The following SERPINB7 variants were observed in gnomAD, a reference collection of about 807,000 sequenced individuals.
The protein encoded by SERPINB7 is serpin family B member 7, also known as serpin B7.
SERPINB7 carries 31 observed loss-of-function variants against 37.4 expected under a neutral mutation model. The ratio of observed to expected loss-of-function variants is 0.83; its 90% CI spans 0.62 to 1.12. SERPINB7 has a LOEUF of 1.12. Among genes scored for constraint, SERPINB7 ranks in the 50% most tolerant of loss-of-function variants. SERPINB7 has a pLI of 0.00. For missense variants in SERPINB7, 521 were observed against 455.3 expected (o/e 1.14, Z -1.31); for synonymous variants, 163 against 166.1 (o/e 0.98, Z 0.14).
chr18:63,780,431 TA>T (rs1468459772), intron 1 of SERPINB7, among the ~76,000 whole-genome samples: 1 of 152,200 alleles, frequency 6.6e-6, no homozygotes, highest in Non-Finnish European at 1.5e-5. Context: ...TTGAATCCCT[TA>T]AACATTTGAG....
At chr18:63,767,617 T>G (rs2144591454) in intron 1 of SERPINB7, among the ~76,000 whole-genome samples, 1 of 152,242 alleles carries the variant, frequency 6.6e-6, no homozygotes, top group African/African-American at 2.4e-5. Flanking sequence ...CCTTCTTGGT[T>G]GTGATGTATT....
intron 1 of SERPINB7, among the ~76,000 whole-genome samples, chr18:63,758,298 A>G (rs764133317): frequency 1.3e-5 from 2 of 152,174 alleles, no homozygotes; most frequent in African/African-American, 4.8e-5. Context: ...AGCAGACATC[A>G]ACAACAGCAA....
chr18:63,791,423 G>A (rs1003628320), intron 2 of SERPINB7, among the ~76,000 whole-genome samples: 2 of 152,136 alleles, frequency 1.3e-5, no homozygotes, highest in Non-Finnish European at 2.9e-5. Context: ...AATGTTGATA[G>A]GTTCCATGAT....
chr18:63,783,215 AG>A lies in SERPINB7; in HGVS notation c.168+676del, dbSNP rs1568207685. On this transcript the variant is annotated intron_variant, in intron 2 of 7. Transcript: ENST00000398019. ...GAGAGAGAGAGAGAGAGAGAGAGAG[AG>A]AGAGAGAGAGAGAGAGAGAAAGAAA... Among the ~76,000 whole-genome samples the A allele has an allele frequency of 6.2e-3, 462 of 74,712 alleles. 3 individuals carry two copies. The highest frequency in any genetic ancestry group is 0.013 in the East Asian group (28 of 2,178). 49.0% of individuals were successfully genotyped at this position (74,712 alleles called of 152,430 possible). A position where few individuals can be genotyped will look rare whatever the true frequency, so the allele number is the denominator to read the frequency against.
In SERPINB7 at chr18:63,786,201, C is replaced by G. The variant is rs557065671; in HGVS notation, c.168+3661C>G. ...ACATGGCACACACACACCAGCATGGCACATACGTGTATATATATATATATA... is the reference window on the plus strand; with the variant it reads ...ACATGGCACACACACACCAGCATGGGACATACGTGTATATATATATATATA... On this transcript the variant is annotated intron_variant, in intron 2 of 7. Coordinates refer to ENST00000398019, the MANE Select transcript of SERPINB7 (RefSeq NM_003784.4). Among the ~76,000 whole-genome samples the G allele has an allele frequency of 7.2e-5, 8 of 110,838 alleles. No homozygotes were observed. In the South Asian group the frequency reaches 2.2e-3, roughly 30 times the overall value. The allele number at this position is 110,838 out of a possible 152,430, so 72.7% of individuals were successfully genotyped here.
At chr18:63,793,838 T>C (rs199605659) in intron 4 of SERPINB7, among the ~76,000 whole-genome samples, 1 of 152,160 alleles carries the variant, frequency 6.6e-6, no homozygotes, top group East Asian at 1.9e-4. Context: ...TTTATGTATT[T>C]TTTTTAAGGA....
chr18:63,792,358 T>C, intron 2 of SERPINB7, 35 bp from the exon 3 acceptor site: 1 of 1,503,536 alleles, frequency 6.7e-7, no homozygotes, highest in Non-Finnish European at 9.2e-7. Context: ...TAACCTCTGA[T>C]TCTAATGATT....
intron 1 of SERPINB7, among the ~76,000 whole-genome samples, chr18:63,768,962 A>G (rs1334566918): frequency 1.3e-5 from 2 of 152,192 alleles, no homozygotes; most frequent in East Asian, 3.9e-4. Context: ...TTGTTTGGCT[A>G]TACCACAATT....
At chr18:63,795,118 C>T (rs912915913) in intron 4 of SERPINB7, among the ~76,000 whole-genome samples, 2 of 152,110 alleles carry the variant, frequency 1.3e-5, no homozygotes, top group African/African-American at 4.8e-5. Context: ...GTGTTAGGTA[C>T]TGGGAATAAA....
At chr18:63,762,108 G>A (rs2049157522) in intron 1 of SERPINB7, among the ~76,000 whole-genome samples, 1 of 152,160 alleles carries the variant, frequency 6.6e-6, no homozygotes, top group Admixed American at 6.5e-5. Context: ...TTAGTGGACT[G>A]TGGGACCATG....
chr18:63,801,081 C>A, intron 7 of SERPINB7, 69 bp downstream of exon 7: 1 of 1,443,112 alleles, frequency 6.9e-7, no homozygotes. Flanking sequence ...TGAGTTTTCA[C>A]TGATAAACTG....
rs1555694241 is a variant in SERPINB7, at chr18:63,783,283, A to AAAGAAAGAAAGAAAGGAAGG, written c.168+757_168+758insGGAAGGAAGAAAGAAAGAAA. 2.4e-4 allele frequency among the ~76,000 whole-genome samples: 29 copies of AAAGAAAGAAAGAAAGGAAGG among 122,546 alleles called. 1 individual carries two copies. Among genetic ancestry groups the AAAGAAAGAAAGAAAGGAAGG allele is most frequent in the African/African-American group, 9.3e-4 (29 of 31,268 alleles). The allele number at this position is 122,546 out of a possible 152,430, so 80.4% of individuals were successfully genotyped here. A position where few individuals can be genotyped will look rare whatever the true frequency, so the allele number is the denominator to read the frequency against. Reference sequence around the variant, plus strand: ...GAAAGAAAGAAAGAAAGAAAGAAAGAAAGAAAGAAAGAAATGCAAATGCTT... The same window carrying AAAGAAAGAAAGAAAGGAAGG: ...GAAAGAAAGAAAGAAAGAAAGAAAGAAAGAAAGAAAGAAAGGAAGGAAGAAAGAAAGAAATGCAAATGCTT... On this transcript the variant is annotated intron_variant, in intron 2 of 7. Coordinates refer to ENST00000398019, the MANE Select transcript of SERPINB7 (RefSeq NM_003784.4).
chr18:63,760,722 C>T (rs754771842), intron 1 of SERPINB7, among the ~76,000 whole-genome samples: 4 of 152,222 alleles, frequency 2.6e-5, no homozygotes, highest in Non-Finnish European at 5.9e-5. Context: ...GGCCAATGTA[C>T]AGCTCGGGCT....
At chr18:63,756,804 T>TTG (rs74169985) in intron 1 of SERPINB7, among the ~76,000 whole-genome samples, 29,052 of 137,102 alleles carry the variant, frequency 0.21, 3,032 homozygotes, top group Middle Eastern at 0.25. Flanking sequence ...TTGGGGTAGC[T>TTG]TGTGTGTGTG....
intron 1 of SERPINB7, among the ~76,000 whole-genome samples, chr18:63,758,377 AC>A (rs2049133628): frequency 6.6e-6 from 1 of 152,212 alleles, no homozygotes; most frequent in African/African-American, 2.4e-5. Flanking sequence ...TTTTATAGTG[AC>A]TGAATTTTTT....
chr18:63,802,389 C>T (rs181760152), intron 7 of SERPINB7, among the ~76,000 whole-genome samples: 8 of 152,300 alleles, frequency 5.3e-5, no homozygotes, highest in Admixed American at 4.6e-4. Context: ...GGCCTGGACT[C>T]ATCTCCCTTC....
chr18:63,767,475 A>G (rs12608130), intron 1 of SERPINB7, among the ~76,000 whole-genome samples: 64,887 of 151,926 alleles, frequency 0.43, 15,175 homozygotes, highest in Non-Finnish European at 0.53. Context: ...CATTCTGTCC[A>G]GGTCTTATAG....
Position 63,804,386 on chromosome 18 carries a change from T to C in SERPINB7, c.894T>C (p.Asp298=), listed in dbSNP as rs754281337. The C allele has an allele frequency of 6.2e-7, 1 of 1,613,892 alleles. No individual in the cohort carries two copies. The highest frequency in any genetic ancestry group is 1.7e-5 in the Admixed American group (1 of 59,944). ...ATTTGAGAGCCCTAGGGCTGAAAGA[T>C]ATCTTTGATGAATCCAAAGCAGATC... is the stretch of plus-strand genomic sequence containing the variant. The part of the protein sequence containing the change: ...KQYLRALGLK[D]IFDESKADLS... Residue 298 remains aspartate, a synonymous_variant, in exon 8 of 8, where the codon GAT becomes GAC. Transcript: ENST00000398019.
At chr18:63,800,063 T>TC (rs1211836735) in intron 6 of SERPINB7, among the ~76,000 whole-genome samples, 1 of 151,910 alleles carries the variant, frequency 6.6e-6, no homozygotes, top group Non-Finnish European at 1.5e-5. Flanking sequence ...TAGCGTATTT[T>TC]TTTTTTTTTT....
Sources: allele counts gnomAD v4.1 joint callset (sites outside exome capture counted in the v4.1 genomes callset), GRCh38; gene constraint gnomAD v4.1.1; transcripts MANE v1.5; gene names NCBI Gene and HGNC (gene_info 2026-07-23, HGNC 2026-07-21).